ASTN2: variants seen among roughly 807,000 people sequenced by gnomAD.
ASTN2 encodes astrotactin-2.
Under a neutral mutation model 139.8 loss-of-function variants are expected in ASTN2, and 54 were observed. That is an observed-to-expected ratio of 0.39 (90% CI 0.31 to 0.48). ASTN2 has a LOEUF of 0.48. ASTN2 is among the 20% of genes least tolerant of loss of function. ASTN2 has a pLI of 0.95. For synonymous variants in ASTN2, 756 were observed against 719.5 expected, an observed-to-expected ratio of 1.05 and a Z score of -0.81; for missense variants, 1,565 against 1,725.1, an observed-to-expected ratio of 0.91 and a Z score of 1.64.
At chr9:116,653,965 C>T (rs1858065095) in intron 16 of ASTN2, among the ~76,000 whole-genome samples, 1 of 152,182 alleles carries the variant, frequency 6.6e-6, no homozygotes, top group Non-Finnish European at 1.5e-5. Context: ...GTAAAGAAGG[C>T]ATCCCAGCAG....
intron 5 of ASTN2, among the ~76,000 whole-genome samples, chr9:117,055,057 G>A (rs1046219993): frequency 6.6e-6 from 1 of 152,116 alleles, no homozygotes; most frequent in East Asian, 1.9e-4. Context: ...CTTGCCCACC[G>A]CTCACCTTCT....
chr9:117,152,920 G>A (rs1023353059), intron 3 of ASTN2, among the ~76,000 whole-genome samples: 1 of 152,140 alleles, frequency 6.6e-6, no homozygotes, highest in Non-Finnish European at 1.5e-5. Context: ...CTACATGACA[G>A]TTATTAGTTT....
intron 19 of ASTN2, among the ~76,000 whole-genome samples, chr9:116,508,980 A>C (rs1850235990): frequency 6.6e-6 from 1 of 151,820 alleles, no homozygotes; most frequent in Admixed American, 6.6e-5. Context: ...TCCATCCCAT[A>C]CCTCTCTTTT....
chr9:116,891,497 C>G (rs1173654374), intron 10 of ASTN2, among the ~76,000 whole-genome samples: 1 of 152,212 alleles, frequency 6.6e-6, no homozygotes, highest in African/African-American at 2.4e-5. Flanking sequence ...CTGTGTAAAG[C>G]AGCAACTACG....
Position 117,245,677 on chromosome 9 carries a change from G to A in ASTN2, c.631-30935C>T, listed in dbSNP as rs569385894. Reference sequence around the variant, plus strand: ...TCAATCATGTCTCTTTCCCTCTATAGTTTTTTAATTTCCTCATTTGTACTA... The same window carrying A: ...TCAATCATGTCTCTTTCCCTCTATAATTTTTTAATTTCCTCATTTGTACTA... On this transcript the variant is annotated intron_variant, in intron 2 of 22. Transcript: ENST00000313400. Among the ~76,000 whole-genome samples, 459 of 152,230 alleles carry A rather than the reference G, an allele frequency of 3.0e-3. 4 individuals are homozygous for A. The highest frequency in any genetic ancestry group is 0.029 in the South Asian group (140 of 4,810).
intron 16 of ASTN2, among the ~76,000 whole-genome samples, chr9:116,724,331 A>G (rs1828556491): frequency 1.3e-5 from 2 of 152,078 alleles, no homozygotes; most frequent in Non-Finnish European, 1.5e-5. Flanking sequence ...TTCCCAGACA[A>G]CTCAATTATA....
intron 2 of ASTN2, among the ~76,000 whole-genome samples, chr9:117,251,673 A>G (rs1274109996): frequency 1.3e-5 from 2 of 152,240 alleles, no homozygotes; most frequent in Non-Finnish European, 2.9e-5. Flanking sequence ...TGCTATTAGC[A>G]GGAGAATAAC....
intron 13 of ASTN2, among the ~76,000 whole-genome samples, chr9:116,752,326 A>C (rs372686319): frequency 1.3e-5 from 2 of 152,332 alleles, no homozygotes; most frequent in African/African-American, 2.4e-5. Context: ...GAAGAAAAGA[A>C]GAAGAAAAAC....
At chr9:117,163,047 C>A (rs902796827) in intron 3 of ASTN2, among the ~76,000 whole-genome samples, 3 of 151,990 alleles carry the variant, frequency 2.0e-5, no homozygotes, top group African/African-American at 7.2e-5. Context: ...TGCCAGTCAA[C>A]CTTTCCTGCT....
intron 5 of ASTN2, among the ~76,000 whole-genome samples, chr9:117,043,565 T>C (rs566953329): frequency 1.3e-5 from 2 of 152,290 alleles, no homozygotes; most frequent in East Asian, 1.9e-4. Context: ...CTGGACTAAA[T>C]TGTGTCTCCT....
chr9:117,411,783 T>A lies in ASTN2; in HGVS notation c.442+2714A>T, dbSNP rs566484150. Among the ~76,000 whole-genome samples the A allele has an allele frequency of 2.2e-4, 34 of 152,320 alleles. 1 individual carries two copies. The Middle Eastern group carries it at 0.02, about 91-fold the overall frequency. On this transcript the variant is annotated intron_variant, in intron 1 of 22. Coordinates refer to ENST00000313400, the MANE Select transcript of ASTN2 (RefSeq NM_001365068.1). Reference sequence around the variant, plus strand: ...CCCACTATTGGCAGAGTTTGGCATTTACCAACTTTGCATGCTCAGCTGTGG... The same window carrying A: ...CCCACTATTGGCAGAGTTTGGCATTAACCAACTTTGCATGCTCAGCTGTGG...
chr9:116,823,152 A>C (rs1375601449), intron 11 of ASTN2, among the ~76,000 whole-genome samples: 2 of 152,172 alleles, frequency 1.3e-5, no homozygotes, highest in African/African-American at 2.4e-5. Flanking sequence ...GGAGAGAATA[A>C]ATTTCTTAAT....
intron 14 of ASTN2, among the ~76,000 whole-genome samples, chr9:116,732,580 A>G (rs930999207): frequency 6.6e-6 from 1 of 152,366 alleles, no homozygotes; most frequent in African/African-American, 2.4e-5. Flanking sequence ...ACACAACCAC[A>G]GTATCACAAA....
At chr9:117,181,787 T>A (rs1027188149) in intron 3 of ASTN2, among the ~76,000 whole-genome samples, 1 of 152,190 alleles carries the variant, frequency 6.6e-6, no homozygotes, top group African/African-American at 2.4e-5. Flanking sequence ...CAGTAGATAC[T>A]CAGTGTTTGT....
intron 16 of ASTN2, chr9:116,686,907 G>T (rs1341664124): frequency 1.3e-6 from 2 of 1,512,820 alleles, no homozygotes; most frequent in African/African-American, 1.4e-5. Flanking sequence ...CCCCAGAATG[G>T]AAGTTTGATT....
chr9:117,209,025 T>A (rs1832030243), intron 3 of ASTN2, among the ~76,000 whole-genome samples: 1 of 152,154 alleles, frequency 6.6e-6, no homozygotes, highest in Non-Finnish European at 1.5e-5. Context: ...CATGAAAATA[T>A]GCAAAACTAT....
intron 19 of ASTN2, among the ~76,000 whole-genome samples, chr9:116,616,122 T>C (rs532589181): frequency 2.0e-5 from 3 of 152,294 alleles, no homozygotes; most frequent in Admixed American, 6.5e-5. Flanking sequence ...AGAAATATAA[T>C]TGTCTCTGTA....
At chr9:116,544,992 C>G (rs1852031039) in intron 19 of ASTN2, among the ~76,000 whole-genome samples, 1 of 152,242 alleles carries the variant, frequency 6.6e-6, no homozygotes, top group Admixed American at 6.5e-5. Context: ...CTACCTGCTC[C>G]CCTGTATGCC....
chr9:116,984,146 C>T (rs1836606485), intron 7 of ASTN2, among the ~76,000 whole-genome samples: 1 of 152,242 alleles, frequency 6.6e-6, no homozygotes, highest in Non-Finnish European at 1.5e-5. Context: ...CTGAATCCCA[C>T]TGATTCTACC....
Sources: gnomAD v4.1 joint callset for allele counts (sites outside exome capture counted in the v4.1 genomes callset) on GRCh38, gnomAD v4.1.1 for gene constraint, MANE v1.5 for transcripts, NCBI Gene and HGNC (gene_info 2026-07-23, HGNC 2026-07-21) for gene names.